The following CAMTA1 variants were observed in gnomAD, a reference collection of about 807,000 sequenced individuals.
The protein encoded by CAMTA1 is calmodulin binding transcription activator 1.
A neutral mutation model predicts 170.9 loss-of-function variants in CAMTA1; 27 were observed. That is an observed-to-expected ratio of 0.16 (90% CI 0.12 to 0.22). CAMTA1 has a LOEUF of 0.22. Ranked by LOEUF, CAMTA1 falls within the 10% of genes least tolerant of loss-of-function variation. CAMTA1 has a pLI of 1.00. For synonymous variants in CAMTA1, 833 were observed against 891.5 expected, an observed-to-expected ratio of 0.93 and a Z score of 1.17; for missense variants, 1,619 against 2,217.2, an observed-to-expected ratio of 0.73 and a Z score of 5.42.
chr1:7,043,648 G>A (rs776682159), intron 3 of CAMTA1, among the ~76,000 whole-genome samples: 1 of 152,088 alleles, frequency 6.6e-6, no homozygotes, highest in South Asian at 2.1e-4. Context: ...ATATGGTGAC[G>A]TTTTTCAGTA....
intron 3 of CAMTA1, among the ~76,000 whole-genome samples, chr1:6,905,188 C>CTTTTTTTT (rs34960802): frequency 4.5e-5 from 5 of 109,902 alleles, no homozygotes; most frequent in African/African-American, 1.2e-4. Context: ...TGCCTTGTTC[C>CTTTTTTTT]TTTTTTTTTT....
At chr1:6,838,041 A>G (rs1653993777) in intron 3 of CAMTA1, among the ~76,000 whole-genome samples, 1 of 152,184 alleles carries the variant, frequency 6.6e-6, no homozygotes, top group Admixed American at 6.5e-5. Flanking sequence ...GCATACATGT[A>G]TGTATGGCAG....
chr1:7,022,749 TG>T (rs1196157461), intron 3 of CAMTA1, among the ~76,000 whole-genome samples: 4 of 152,180 alleles, frequency 2.6e-5, no homozygotes, highest in African/African-American at 4.8e-5. Context: ...TCCCTGAGTC[TG>T]GGGGAAGGAG....
intron 17 of CAMTA1, 43 bp downstream of exon 17, chr1:7,745,065 G>A (rs1301256567): frequency 1.3e-6 from 2 of 1,535,212 alleles, no homozygotes; most frequent in Non-Finnish European, 1.8e-6. Flanking sequence ...TAGATTCCCG[G>A]ATGTAATTGG....
chr1:6,875,268 T>C (rs1669508203), intron 3 of CAMTA1, among the ~76,000 whole-genome samples: 1 of 152,094 alleles, frequency 6.6e-6, no homozygotes, highest in African/African-American at 2.4e-5. Context: ...CTGTACGCAT[T>C]ATCATCCTTC....
At chr1:7,469,173 C>A (rs2093280415) in intron 6 of CAMTA1, among the ~76,000 whole-genome samples, 1 of 152,222 alleles carries the variant, frequency 6.6e-6, no homozygotes, top group East Asian at 1.9e-4. Context: ...CAATACCTCA[C>A]CCTGTCATCA....
chr1:7,335,594 TG>T (rs1259206191), intron 5 of CAMTA1, among the ~76,000 whole-genome samples: 2 of 152,138 alleles, frequency 1.3e-5, no homozygotes, highest in Non-Finnish European at 2.9e-5. Context: ...CATCTCGCTC[TG>T]GGGAGAAAAC....
chr1:6,943,119 C>G (rs899377554), intron 3 of CAMTA1, among the ~76,000 whole-genome samples: 1 of 152,072 alleles, frequency 6.6e-6, no homozygotes, highest in African/African-American at 2.4e-5. Flanking sequence ...GCCCTCATTC[C>G]TTATCTCGTG....
At chr1:7,153,428 G>T (rs1331827774) in intron 4 of CAMTA1, among the ~76,000 whole-genome samples, 1 of 152,132 alleles carries the variant, frequency 6.6e-6, no homozygotes, top group Non-Finnish European at 1.5e-5. Context: ...ATTTGAGGGG[G>T]AAAAGGAGTG....
In CAMTA1 at chr1:7,310,400, A is replaced by C. The variant is rs547261473; in HGVS notation, c.438+60774A>C. On this transcript the variant is annotated intron_variant, in intron 5 of 22. Coordinates refer to ENST00000303635, the MANE Select transcript of CAMTA1 (RefSeq NM_015215.4). ...ATACAGTCTATATCACAACTACCTA[A>C]CTGTGCCATTGTCTCACTAACACAG... 2.6e-4 allele frequency among the ~76,000 whole-genome samples: 40 copies of C among 152,214 alleles called. No homozygotes were observed. The East Asian group carries it at 5.2e-3, about 20-fold the overall frequency.
At chr1:7,479,427 C>T (rs2093476482) in intron 6 of CAMTA1, among the ~76,000 whole-genome samples, 1 of 152,144 alleles carries the variant, frequency 6.6e-6, no homozygotes, top group Non-Finnish European at 1.5e-5. Context: ...TCTTGCCATC[C>T]CCATCACCAC....
intron 6 of CAMTA1, among the ~76,000 whole-genome samples, chr1:7,625,885 G>A (rs1036220555): frequency 7.2e-5 from 11 of 152,216 alleles, no homozygotes; most frequent in Non-Finnish European, 1.2e-4. Flanking sequence ...AGCAGGTCCC[G>A]TTATTACCCG....
At chr1:7,101,156 C>T (rs1642671789) in intron 4 of CAMTA1, among the ~76,000 whole-genome samples, 1 of 152,190 alleles carries the variant, frequency 6.6e-6, no homozygotes, top group Non-Finnish European at 1.5e-5. Context: ...CCGCAGGCCC[C>T]GCAGTTTATT....
intron 3 of CAMTA1, among the ~76,000 whole-genome samples, chr1:6,903,962 G>A (rs958308): frequency 6.6e-6 from 1 of 152,290 alleles, no homozygotes; most frequent in Admixed American, 6.5e-5. Context: ...CTCTGTTGAC[G>A]ATTCCCAAAT....
intron 3 of CAMTA1, among the ~76,000 whole-genome samples, chr1:6,828,119 C>T (rs978896543): frequency 5.9e-5 from 9 of 151,950 alleles, no homozygotes; most frequent in Admixed American, 5.2e-4. Flanking sequence ...CGTGTGTGCT[C>T]GCTCGCTCTC....
chr1:7,069,197 C>T (rs1185634850), intron 3 of CAMTA1, among the ~76,000 whole-genome samples: 1 of 152,202 alleles, frequency 6.6e-6, no homozygotes, highest in South Asian at 2.1e-4. Context: ...CACGAAGAGG[C>T]CGTTGTCATT....
chr1:7,594,261 A>C (rs549705729), intron 6 of CAMTA1, among the ~76,000 whole-genome samples: 1 of 138,332 alleles, frequency 7.2e-6, no homozygotes, highest in African/African-American at 2.7e-5. Flanking sequence ...AAGGACTGTC[A>C]GAGGAGGTGG....
chr1:6,834,155 T>A (rs2412292), intron 3 of CAMTA1, among the ~76,000 whole-genome samples: 72,654 of 142,930 alleles, frequency 0.51, 17,589 homozygotes, highest in Non-Finnish European at 0.53. Context: ...ATTTGATTAA[T>A]TTTTTTTTTT....
At chr1:7,128,461 A>C (rs1645057503) in intron 4 of CAMTA1, among the ~76,000 whole-genome samples, 2 of 152,114 alleles carry the variant, frequency 1.3e-5, no homozygotes, top group South Asian at 2.1e-4. Flanking sequence ...TCCTTGGCAA[A>C]TCCAAGAGCT....
Sources: gnomAD v4.1 joint callset for allele counts (sites outside exome capture counted in the v4.1 genomes callset) on GRCh38, gnomAD v4.1.1 for gene constraint, MANE v1.5 for transcripts, NCBI Gene and HGNC (gene_info 2026-07-23, HGNC 2026-07-21) for gene names.